Variants in PAK3 observed in about 807,000 individuals in gnomAD.
PAK3 encodes the protein p21 (RAC1) activated kinase 3.
A neutral mutation model predicts 41.0 loss-of-function variants in PAK3; 4 were observed. The ratio of observed to expected loss-of-function variants is 0.10; its 90% CI spans 0.05 to 0.22. The LOEUF is 0.22. Among genes scored for constraint, PAK3 ranks in the 10% least tolerant of loss-of-function variants. The pLI is 1.00. For missense variants in PAK3, 205 were observed against 409.9 expected (o/e 0.50, Z 4.32); for synonymous variants, 146 against 139.6 (o/e 1.05, Z -0.32).
At chrX:111,216,805 G>GA (rs1278066412) in intron 17 of PAK3, 7,600 of 262,064 alleles carry the variant, frequency 0.029, 4 homozygotes, top group Non-Finnish European at 0.033. Context: ...ATTTTGCAAG[G>GA]AAAAAAAAAA....
At chrX:111,186,707 GC>G (rs1433293153) in intron 11 of PAK3, among the ~76,000 whole-genome samples, 4 of 111,468 alleles carry the variant, frequency 3.6e-5, no homozygotes, top group African/African-American at 1.3e-4. Context: ...TGCCCATACT[GC>G]CCAAAGTAAT....
At position 110,956,234 on chromosome X, in the gene PAK3, A is replaced by G. The variant is rs2090854596; in HGVS notation, c.-28+11606A>G. On this transcript the variant is annotated intron_variant, in intron 1 of 14. Transcript: ENST00000425146. Reference sequence around the variant, plus strand: ...AAACCTCTGTTTCTTCACTTGTGTAATGGGGATAATAATAGTAGCTACGTT... The same window carrying G: ...AAACCTCTGTTTCTTCACTTGTGTAGTGGGGATAATAATAGTAGCTACGTT... Among the ~76,000 whole-genome samples the G allele has an allele frequency of 2.7e-5, 3 of 111,881 alleles. No individual in the cohort carries two copies. The South Asian group carries it at 1.1e-3, about 43-fold the overall frequency.
chrX:110,955,267 G>A (rs1394434656), intron 1 of PAK3, among the ~76,000 whole-genome samples: 6 of 111,801 alleles, frequency 5.4e-5, no homozygotes, highest in Non-Finnish European at 1.1e-4. Context: ...CTGTAGTATA[G>A]GGCATTGAGC....
intron 1 of PAK3, among the ~76,000 whole-genome samples, chrX:111,026,671 A>T (rs1383671377): frequency 8.9e-6 from 1 of 112,040 alleles, no homozygotes; most frequent in Non-Finnish European, 1.9e-5. Flanking sequence ...AACACAAACA[A>T]ATGGAAACAC....
intron 1 of PAK3, among the ~76,000 whole-genome samples, chrX:111,014,155 C>A (rs1489003086): frequency 8.9e-6 from 1 of 111,969 alleles, no homozygotes; most frequent in Non-Finnish European, 1.9e-5. Flanking sequence ...ATCTTTTCCT[C>A]CAGTCTACAC....
At chrX:111,158,762 G>A (rs1350670585) in intron 8 of PAK3, among the ~76,000 whole-genome samples, 1 of 112,280 alleles carries the variant, frequency 8.9e-6, no homozygotes, top group Non-Finnish European at 1.9e-5. Flanking sequence ...TCTATCCTTG[G>A]AGATGGGGAA....
Position 111,220,945 on chromosome X carries a change from C to CAAAAAAAAAAAAAAAAAAAAAAAAAAA in PAK3, c.*515_*516insAAAAAAAAAAAAAAAAAAAAAAAAAAA. 12 of 49,403 alleles carry CAAAAAAAAAAAAAAAAAAAAAAAAAAA rather than the reference C, an allele frequency of 2.4e-4. No individual in the cohort carries two copies. Among genetic ancestry groups the CAAAAAAAAAAAAAAAAAAAAAAAAAAA allele is most frequent in the African/African-American group, 4.3e-4 (5 of 11,732 alleles). The allele number at this position is 49,403 out of a possible 1,213,427, so 4.1% of individuals were successfully genotyped here. ...AAAAAAGAAAGCAAAAAAAGCAAGG[C>CAAAAAAAAAAAAAAAAAAAAAAAAAAA]AAAAAAAAAAAAAAAAACAAACAAA... On this transcript the variant is annotated 3_prime_UTR_variant, in exon 18 of 18. Transcript: ENST00000372007.
chrX:111,116,730 A>G (rs2093471655), intron 4 of PAK3, among the ~76,000 whole-genome samples: 1 of 112,169 alleles, frequency 8.9e-6, no homozygotes, highest in Non-Finnish European at 1.9e-5. Context: ...ACAATACTAC[A>G]GCAGAACTGA....
intron 1 of PAK3, among the ~76,000 whole-genome samples, chrX:111,063,434 C>T (rs1261770580): frequency 9.1e-6 from 1 of 109,422 alleles, no homozygotes; most frequent in Non-Finnish European, 1.9e-5. Flanking sequence ...GGAAGAAGAG[C>T]CCCATCTTAT....
intron 1 of PAK3, among the ~76,000 whole-genome samples, chrX:111,016,872 T>G (rs1359633284): frequency 9.0e-6 from 1 of 110,695 alleles, no homozygotes; most frequent in African/African-American, 3.3e-5. Context: ...CCTAGGACTC[T>G]TGGAGATAAA....
At chrX:111,090,058 C>T (rs979716473) in intron 1 of PAK3, among the ~76,000 whole-genome samples, 3 of 110,293 alleles carry the variant, frequency 2.7e-5, no homozygotes, top group Non-Finnish European at 5.7e-5. Flanking sequence ...TGGAGCCCCA[C>T]GAGAATATAG....
At chrX:110,999,997 A>T (rs2091820121) in intron 1 of PAK3, among the ~76,000 whole-genome samples, 1 of 111,469 alleles carries the variant, frequency 9.0e-6, no homozygotes, top group South Asian at 3.8e-4. Flanking sequence ...TTTTTTTAAA[A>T]ATCTTGCTAT....
chrX:110,959,599 G>T (rs1260036938), intron 1 of PAK3, among the ~76,000 whole-genome samples: 2 of 111,343 alleles, frequency 1.8e-5, no homozygotes, highest in African/African-American at 6.5e-5. Flanking sequence ...CCTGAAGAGG[G>T]ACCTGGGTTT....
intron 1 of PAK3, among the ~76,000 whole-genome samples, chrX:111,037,586 C>T: frequency 9.0e-6 from 1 of 111,383 alleles, no homozygotes; most frequent in Non-Finnish European, 1.9e-5. Context: ...AAATCGAGCC[C>T]ATCAAGTAGC....
intron 6 of PAK3, chrX:111,146,590 T>A: frequency 9.9e-7 from 1 of 1,014,102 alleles, no homozygotes; most frequent in South Asian, 2.2e-5. Flanking sequence ...CAAAAGAAGC[T>A]TGCATCAAAG....
intron 8 of PAK3, among the ~76,000 whole-genome samples, chrX:111,153,633 C>T (rs1381116880): frequency 1.8e-5 from 2 of 111,836 alleles, no homozygotes; most frequent in African/African-American, 6.5e-5. Flanking sequence ...CAGACCAATG[C>T]CTTTTATAGT....
At chrX:111,109,917 C>T (rs1421060904) in intron 4 of PAK3, among the ~76,000 whole-genome samples, 1 of 111,745 alleles carries the variant, frequency 8.9e-6, no homozygotes, top group Non-Finnish European at 1.9e-5. Flanking sequence ...AATAAGTGCA[C>T]GGGCATTGAT....
At chrX:111,008,924 G>C (rs1477507183) in intron 1 of PAK3, among the ~76,000 whole-genome samples, 2 of 111,265 alleles carry the variant, frequency 1.8e-5, no homozygotes, top group African/African-American at 6.5e-5. Flanking sequence ...ACACAAATAG[G>C]CATTTATTGC....
intron 1 of PAK3, among the ~76,000 whole-genome samples, chrX:110,984,915 G>A (rs1431874521): frequency 1.8e-5 from 2 of 110,003 alleles, no homozygotes; most frequent in Non-Finnish European, 3.8e-5. Context: ...AATCGCTTGA[G>A]CCCAGGAGTT....
Sources: gnomAD v4.1 joint callset for allele counts (sites outside exome capture counted in the v4.1 genomes callset) on GRCh38, gnomAD v4.1.1 for gene constraint, MANE v1.5 for transcripts, NCBI Gene and HGNC (gene_info 2026-07-23, HGNC 2026-07-21) for gene names.